The following RBM33 variants were observed in gnomAD, a reference collection of about 807,000 sequenced individuals.
RBM33 encodes the protein RNA-binding protein 33.
In RBM33, 28 loss-of-function variants were observed where a neutral mutation model predicts 132.6. That is an observed-to-expected ratio of 0.21 (90% confidence interval 0.16 to 0.29). The LOEUF is 0.29. Among genes scored for constraint, RBM33 ranks in the 10% least tolerant of loss-of-function variants. RBM33 has a pLI of 1.00. For missense variants in RBM33, 1,291 were observed against 1,518.5 expected (o/e 0.85, Z 2.49); for synonymous variants, 634 against 593.0 (o/e 1.07, Z -1.01).
At chr7:155,683,594 T>G (rs1022698092) in intron 5 of RBM33, among the ~76,000 whole-genome samples, 1 of 152,098 alleles carries the variant, frequency 6.6e-6, no homozygotes, top group Non-Finnish European at 1.5e-5. Flanking sequence ...GAAAGCGAGG[T>G]CCAGAGACAT....
At chr7:155,740,818 AAG>A (rs1205026953) in intron 12 of RBM33, among the ~76,000 whole-genome samples, 5 of 152,298 alleles carry the variant, frequency 3.3e-5, no homozygotes, top group South Asian at 2.1e-4. Flanking sequence ...GCTTTTAGGA[AAG>A]AGAGACACAA....
In RBM33 at chr7:155,777,387, G is replaced by A. The variant is rs1802649532; in HGVS notation, c.*2346G>A. On this transcript the variant is annotated 3_prime_UTR_variant, in exon 18 of 18. Coordinates refer to ENST00000401878, the MANE Select transcript of RBM33 (RefSeq NM_053043.3). ...GCGCTGATTAGAACAGTCCAACACAGTCCGACCTCACTCAATACCCACAAC... is the reference window on the plus strand; with the variant it reads ...GCGCTGATTAGAACAGTCCAACACAATCCGACCTCACTCAATACCCACAAC... The A allele has an allele frequency of 6.6e-6, 1 of 152,204 alleles. No homozygotes were observed. The highest frequency in any genetic ancestry group is 1.5e-5 in the Non-Finnish European group (1 of 68,020). 9.4% of individuals were successfully genotyped at this position (152,204 alleles called of 1,614,324 possible). A position where few individuals can be genotyped will look rare whatever the true frequency, so the allele number is the denominator to read the frequency against.
At chr7:155,767,199 A>G (rs1802250109) in intron 16 of RBM33, among the ~76,000 whole-genome samples, 1 of 152,250 alleles carries the variant, frequency 6.6e-6, no homozygotes, top group South Asian at 2.1e-4. Flanking sequence ...GAAAAGGAAC[A>G]CAGTTCCAGG....
intron 9 of RBM33, among the ~76,000 whole-genome samples, chr7:155,727,678 C>A (rs1350139336): frequency 2.0e-5 from 3 of 152,242 alleles, no homozygotes; most frequent in Non-Finnish European, 2.9e-5. Flanking sequence ...CTCTCAAGTT[C>A]TATTAGAGCA....
intron 16 of RBM33, among the ~76,000 whole-genome samples, chr7:155,769,319 G>T (rs142027625): frequency 1.3e-5 from 2 of 152,268 alleles, no homozygotes; most frequent in African/African-American, 4.8e-5. Context: ...TGTTTCTTGC[G>T]GGAAAGCACA....
intron 5 of RBM33, 98 bp downstream of exon 5, chr7:155,681,006 G>A: frequency 1.1e-6 from 1 of 938,358 alleles, no homozygotes; most frequent in Non-Finnish European, 1.6e-6. Context: ...CTGGGAGGGA[G>A]GGGAAATTAG....
chr7:155,699,325 C>T (rs1799891848), intron 5 of RBM33, among the ~76,000 whole-genome samples: 2 of 152,166 alleles, frequency 1.3e-5, no homozygotes, highest in African/African-American at 4.8e-5. Flanking sequence ...CATCCTGAAT[C>T]GGCTGAGTCA....
chr7:155,656,990 GT>G (rs534412622), intron 1 of RBM33, among the ~76,000 whole-genome samples: 174 of 150,908 alleles, frequency 1.2e-3, no homozygotes, highest in Non-Finnish European at 2.3e-3. Flanking sequence ...TTGTATGTCA[GT>G]TGTCTAGAAC....
intron 4 of RBM33, among the ~76,000 whole-genome samples, chr7:155,679,705 A>G (rs901229909): frequency 6.6e-6 from 1 of 152,222 alleles, no homozygotes; most frequent in African/African-American, 2.4e-5. Context: ...AAATTTCCCA[A>G]TTCCATTCTT....
Position 155,774,144 on chromosome 7 carries a change from G to A in RBM33, c.3376-415G>A, listed in dbSNP as rs78399674. On this transcript the variant is annotated intron_variant, in intron 16 of 17. Transcript: ENST00000401878. The surrounding 1 kb of genome is among the most constrained non-coding windows in gnomAD (Gnocchi z 4.2). ...GGCTGTGGGGCCCCCATACTAAACA[G>A]TTTCCTCTGGTGTGATGAGTCCTGT... Among the ~76,000 whole-genome samples the A allele has an allele frequency of 1.4e-3, 213 of 152,338 alleles. 4 individuals carry two copies. The highest frequency in any genetic ancestry group is 4.9e-3 in the African/African-American group (203 of 41,572).
rs766342113 is a variant in RBM33 at position 155,745,276 on chromosome 7, A to G, written c.2653A>G (p.Asn885Asp). The G allele has an allele frequency of 8.7e-6, 14 of 1,612,972 alleles. No homozygotes were observed. In the South Asian group the frequency reaches 8.8e-5, roughly 10 times the overall value. Residue 885 changes from asparagine (N) to aspartate (D), a missense_variant, in exon 14 of 18, where the codon AAC becomes GAC. Asn to Asp is a conservative substitution (Grantham distance 23, BLOSUM62 1). Coordinates refer to ENST00000401878, the MANE Select transcript of RBM33 (RefSeq NM_053043.3). The surrounding 1 kb of genome is among the most constrained non-coding windows in gnomAD (Gnocchi z 4.1). ...LVKNQDVSIS[N>D]VQPKTSNFVP... is the part of the protein sequence containing the mutation. Reference sequence around the variant, plus strand: ...TAAAAACCAGGATGTCAGTATTTCAAACGTTCAGCCCAAAACATCCAATTT... The same window carrying G: ...TAAAAACCAGGATGTCAGTATTTCAGACGTTCAGCCCAAAACATCCAATTT...
chr7:155,646,866 C>T (rs1373525117), intron 1 of RBM33, among the ~76,000 whole-genome samples: 1 of 152,200 alleles, frequency 6.6e-6, no homozygotes, highest in Non-Finnish European at 1.5e-5. Context: ...CCACGTGTTC[C>T]TGGCACATAG....
chr7:155,684,125 A>G (rs1799407927), intron 5 of RBM33, among the ~76,000 whole-genome samples: 1 of 152,156 alleles, frequency 6.6e-6, no homozygotes. Context: ...CACCTTAAAT[A>G]CAGCTGCTTT....
intron 2 of RBM33, among the ~76,000 whole-genome samples, chr7:155,672,099 A>G (rs1483897271): frequency 6.6e-6 from 1 of 151,568 alleles, no homozygotes; most frequent in African/African-American, 2.4e-5. Flanking sequence ...CGTTTTTAAA[A>G]TTTATTTTTT....
intron 2 of RBM33, among the ~76,000 whole-genome samples, chr7:155,666,106 C>A (rs1042860537): frequency 6.6e-6 from 1 of 152,090 alleles, no homozygotes; most frequent in African/African-American, 2.4e-5. Context: ...AGGAGCAGAA[C>A]CAAAAGAATA....
intron 1 of RBM33, among the ~76,000 whole-genome samples, chr7:155,663,403 G>A (rs1046835352): frequency 2.0e-5 from 3 of 151,864 alleles, no homozygotes; most frequent in African/African-American, 7.3e-5. Flanking sequence ...TTTTACTCAT[G>A]GTGGAAGGCC....
chr7:155,714,164 C>T (rs886433407), intron 8 of RBM33, among the ~76,000 whole-genome samples: 1 of 152,120 alleles, frequency 6.6e-6, no homozygotes, highest in Non-Finnish European at 1.5e-5. Context: ...TTGTGTGTCT[C>T]TGTCCAGCTG....
rs1294598718 is a variant in RBM33 at position 155,766,662 on chromosome 7, G to A, written c.3375+7G>A. On this transcript the variant is annotated splice_region_variant and intron_variant, in intron 16 of 17. Coordinates refer to ENST00000401878, the MANE Select transcript of RBM33 (RefSeq NM_053043.3). The stretch of plus-strand genomic sequence containing the variant: ...GTCAGTGGGACCCATTCAGGTAGCC[G>A]CCTGGGGGTGGCATCTGTGCCACGG... 5 of 1,605,466 alleles carry A rather than the reference G, an allele frequency of 3.1e-6. No homozygotes were observed. Among genetic ancestry groups the A allele is most frequent in the Non-Finnish European group, 4.3e-6 (5 of 1,176,124 alleles).
At chr7:155,691,775 G>A (rs1799649795) in intron 5 of RBM33, among the ~76,000 whole-genome samples, 1 of 152,128 alleles carries the variant, frequency 6.6e-6, no homozygotes, top group Non-Finnish European at 1.5e-5. Context: ...TGGTGACCTG[G>A]CTGGGTGCTG....
Sources: gnomAD v4.1 joint callset for allele counts (sites outside exome capture counted in the v4.1 genomes callset) on GRCh38, gnomAD v4.1.1 for gene constraint, Gnocchi (gnomAD v3.1) non-coding constraint, MANE v1.5 for transcripts, NCBI Gene and HGNC (gene_info 2026-07-23, HGNC 2026-07-21) for gene names.